Variants in SLC7A14 observed in about 807,000 individuals in gnomAD.
The protein encoded by SLC7A14 is solute carrier family 7 member 14, also known as gamma-aminobutyric acid transporter SLC7A14.
A neutral mutation model predicts 60.2 loss-of-function variants in SLC7A14; 37 were observed. The ratio of observed to expected loss-of-function variants is 0.61; its 90% confidence interval spans 0.47 to 0.81. SLC7A14 has a LOEUF of 0.81. Ranked by LOEUF, SLC7A14 falls within the 30% of genes least tolerant of loss-of-function variation. The pLI is 0.00. For missense variants in SLC7A14, 886 were observed against 982.7 expected (o/e 0.90, Z 1.32); for synonymous variants, 399 against 395.8 (o/e 1.01, Z -0.10).
chr3:170,512,813 G>A (rs987479061), intron 2 of SLC7A14, among the ~76,000 whole-genome samples: 14 of 151,500 alleles, frequency 9.2e-5, no homozygotes, highest in Non-Finnish European at 1.5e-4. Flanking sequence ...ACAGGCGCCC[G>A]CCACTACGCC....
intron 2 of SLC7A14, among the ~76,000 whole-genome samples, chr3:170,523,137 C>T (rs1477505125): frequency 6.6e-6 from 1 of 152,182 alleles, no homozygotes; most frequent in Non-Finnish European, 1.5e-5. Flanking sequence ...TATGCATCTC[C>T]TTTAGTCTTG....
intron 1 of SLC7A14, among the ~76,000 whole-genome samples, chr3:170,582,423 T>A (rs1190065933): frequency 1.3e-5 from 2 of 152,172 alleles, no homozygotes; most frequent in Non-Finnish European, 2.9e-5. Context: ...GGGGGCTAAA[T>A]TTTTAATTTT....
chr3:170,569,593 T>C (rs1468768053), intron 1 of SLC7A14, among the ~76,000 whole-genome samples: 2 of 152,184 alleles, frequency 1.3e-5, no homozygotes, highest in African/African-American at 4.8e-5. Flanking sequence ...ATGGTACCAG[T>C]TCCTCCTTGT....
At chr3:170,497,087 C>CAAAAAAAAA (rs548290941) in intron 4 of SLC7A14, among the ~76,000 whole-genome samples, 21 of 94,222 alleles carry the variant, frequency 2.2e-4, no homozygotes, top group African/African-American at 4.7e-4. Flanking sequence ...TTATTTTGTC[C>CAAAAAAAAA]AAAAAAAAAA....
At chr3:170,483,654 T>C in intron 5 of SLC7A14, 132 bp from the exon 6 acceptor site, 1 of 897,416 alleles carries the variant, frequency 1.1e-6, no homozygotes, top group Non-Finnish European at 1.7e-6. Flanking sequence ...ATTCACTTGC[T>C]GGCATGTGCC....
At chr3:170,516,770 CATAA>C (rs1381720791) in intron 2 of SLC7A14, among the ~76,000 whole-genome samples, 1 of 151,658 alleles carries the variant, frequency 6.6e-6, no homozygotes, top group East Asian at 1.9e-4. Flanking sequence ...CTATCTCAAA[CATAA>C]ATAAATAAAT....
intron 1 of SLC7A14, among the ~76,000 whole-genome samples, chr3:170,551,702 C>G (rs1031874663): frequency 2.1e-4 from 32 of 152,144 alleles, no homozygotes; most frequent in Non-Finnish European, 2.9e-5. Flanking sequence ...GAAGAAATAT[C>G]TATTCAAATC....
intron 7 of SLC7A14, among the ~76,000 whole-genome samples, chr3:170,468,200 C>A (rs147509869): frequency 6.6e-6 from 1 of 152,272 alleles, no homozygotes; most frequent in African/African-American, 2.4e-5. Flanking sequence ...AGAAACTTGC[C>A]CCCCTCGTTA....
chr3:170,497,679 T>C (rs1369775475), intron 4 of SLC7A14, among the ~76,000 whole-genome samples: 1 of 152,234 alleles, frequency 6.6e-6, no homozygotes, highest in Non-Finnish European at 1.5e-5. Flanking sequence ...CTGATTTATG[T>C]TCTACCATGA....
chr3:170,536,925 C>T (rs1232539628), intron 1 of SLC7A14, among the ~76,000 whole-genome samples: 1 of 152,068 alleles, frequency 6.6e-6, no homozygotes, highest in African/African-American at 2.4e-5. Flanking sequence ...TAATCTGAGC[C>T]CCCAGAAGAC....
intron 7 of SLC7A14, among the ~76,000 whole-genome samples, chr3:170,472,427 T>C (rs1367267773): frequency 6.6e-6 from 1 of 150,730 alleles, no homozygotes; most frequent in Non-Finnish European, 1.5e-5. Flanking sequence ...GCACGTGGGC[T>C]GCATGCCTGT....
Position 170,464,980 on chromosome 3 carries a change from T to C in SLC7A14, c.*2075A>G, listed in dbSNP as rs1739684023. On this transcript the variant is annotated 3_prime_UTR_variant, in exon 8 of 8. Transcript: ENST00000231706. ...TCCTATAGCCAATTCAAAACTTTGT[T>C]TTCAAAAGATGACTGATAATTAGTT... 6.6e-6 allele frequency: 1 copy of C among 152,226 alleles called. No individual in the cohort carries two copies. The highest frequency in any genetic ancestry group is 2.1e-4 in the South Asian group (1 of 4,830). 9.4% of individuals were successfully genotyped at this position (152,226 alleles called of 1,614,324 possible).
intron 3 of SLC7A14, 57 bp from the exon 4 acceptor site, chr3:170,498,941 C>T: frequency 1.3e-6 from 2 of 1,540,856 alleles, no homozygotes; most frequent in South Asian, 1.1e-5. Flanking sequence ...GCCATGCAAA[C>T]TCCTGGTCCT....
chr3:170,495,788 C>T (rs545821744), intron 4 of SLC7A14: 1 of 1,144,376 alleles, frequency 8.7e-7, no homozygotes, highest in African/African-American at 1.5e-5. Flanking sequence ...AGCAGTAGAA[C>T]AAGATGCTGG....
chr3:170,486,222 A>G lies in SLC7A14; in HGVS notation c.906T>C (p.Ser302=), dbSNP rs752436043. Residue 302 remains serine, a splice_region_variant and synonymous_variant, in exon 5 of 8, where the codon TCT becomes TCC. Transcript: ENST00000231706. ...GGTCCCGCAAGCATCTGGTACTTAC[A>G]GACACATATGCTGTCAGGCAGATGA... The part of the protein sequence containing the change: ...SLVICLTAYV[S]VSVILTLMVP... 55 of 1,614,022 alleles carry G rather than the reference A, an allele frequency of 3.4e-5. No homozygotes were observed. In the Admixed American group the frequency reaches 9.0e-4, roughly 26 times the overall value.
intron 4 of SLC7A14, chr3:170,496,558 A>G: frequency 1.3e-6 from 2 of 1,598,570 alleles, no homozygotes; most frequent in Non-Finnish European, 1.7e-6. Flanking sequence ...GAGTACCAGG[A>G]GCTGATGAAC....
chr3:170,506,539 T>C (rs1712786538), intron 2 of SLC7A14, among the ~76,000 whole-genome samples: 1 of 152,102 alleles, frequency 6.6e-6, no homozygotes, highest in African/African-American at 2.4e-5. Context: ...TTCAGAAAAA[T>C]ATGGTCCTTT....
At position 170,574,536 on chromosome 3, in the gene SLC7A14, C is replaced by A. The variant is rs147340662; in HGVS notation, c.-153+11375G>T. 7.5e-4 allele frequency among the ~76,000 whole-genome samples: 114 copies of A among 152,296 alleles called. 1 individual carries two copies. Among genetic ancestry groups the A allele is most frequent in the African/African-American group, 2.5e-3 (102 of 41,564 alleles). On this transcript the variant is annotated intron_variant, in intron 1 of 7. Transcript: ENST00000231706. ...GGACTCTGCCCTTTTTCTTCCTGAG[C>A]ACACTGTTTCCTATGGTGATCACTA...
intron 7 of SLC7A14, among the ~76,000 whole-genome samples, chr3:170,468,794 T>C (rs1297257046): frequency 2.0e-5 from 3 of 152,220 alleles, no homozygotes; most frequent in Non-Finnish European, 2.9e-5. Context: ...TGTAAAACGA[T>C]GAGAGCTATA....
Sources: allele counts gnomAD v4.1 joint callset (sites outside exome capture counted in the v4.1 genomes callset), GRCh38; gene constraint gnomAD v4.1.1; transcripts MANE v1.5; gene names NCBI Gene and HGNC (gene_info 2026-07-23, HGNC 2026-07-21).